The following JADE3 variants were observed in gnomAD, a reference collection of about 807,000 sequenced individuals.
JADE3 encodes the protein jade family PHD finger 3, also known as protein Jade-3.
Under a neutral mutation model 50.1 loss-of-function variants are expected in JADE3, and 2 were observed. The ratio of observed to expected loss-of-function variants is 0.04; its 90% CI spans 0.02 to 0.13. The LOEUF (loss-of-function observed/expected upper bound fraction) is 0.13, where lower values mean the gene tolerates loss of function less well. JADE3 is among the 10% of genes least tolerant of loss of function. The pLI, the probability that JADE3 is intolerant of heterozygous loss-of-function variation, is 1.00. For synonymous variants in JADE3, 218 were observed against 232.9 expected, an observed-to-expected ratio of 0.94 and a Z score of 0.58; for missense variants, 475 against 634.4, an observed-to-expected ratio of 0.75 and a Z score of 2.70.
At chrX:47,026,377 T>C (rs782653509) in intron 5 of JADE3, among the ~76,000 whole-genome samples, 15 of 111,914 alleles carry the variant, frequency 1.3e-4, no homozygotes, top group Admixed American at 9.5e-5. Flanking sequence ...CATATACACC[T>C]CACAGTTTCA....
Position 47,001,635 on chromosome X carries a change from G to A in JADE3, c.284+3358G>A, listed in dbSNP as rs144075160. 4.3e-3 allele frequency among the ~76,000 whole-genome samples: 480 copies of A among 111,597 alleles called. 5 individuals carry two copies. The highest frequency in any genetic ancestry group is 0.015 in the African/African-American group (460 of 30,785). On this transcript the variant is annotated intron_variant, in intron 4 of 10. Coordinates refer to ENST00000614628, the MANE Select transcript of JADE3 (RefSeq NM_014735.5). The stretch of plus-strand genomic sequence containing the variant: ...TTGCATGGGTCAAACTATGTCTTGT[G>A]ATTTTTACTTTCTGAATTTTGTAAG...
intron 5 of JADE3, among the ~76,000 whole-genome samples, chrX:47,026,846 G>A (rs1928919579): frequency 9.0e-6 from 1 of 110,888 alleles, no homozygotes; most frequent in South Asian, 3.7e-4. Context: ...TAAATAACGT[G>A]TCAAAGTTTA....
intron 1 of JADE3, among the ~76,000 whole-genome samples, chrX:46,942,222 C>T (rs1472963566): frequency 9.0e-6 from 1 of 111,543 alleles, no homozygotes; most frequent in Non-Finnish European, 1.9e-5. Flanking sequence ...CTTATTAGGT[C>T]CCACTGGTCA....
chrX:46,930,471 G>A (rs1926465563), intron 1 of JADE3, among the ~76,000 whole-genome samples: 1 of 112,388 alleles, frequency 8.9e-6, no homozygotes. Context: ...AAGCTACTAA[G>A]TTTTGGGGTG....
chrX:47,039,790 A>T (rs782742732), intron 8 of JADE3, among the ~76,000 whole-genome samples: 2 of 111,836 alleles, frequency 1.8e-5, no homozygotes, highest in Admixed American at 1.9e-4. Context: ...TCAAGGGTAC[A>T]TGTCCAGGTT....
intron 1 of JADE3, among the ~76,000 whole-genome samples, chrX:46,921,564 C>T (rs906451340): frequency 2.7e-5 from 3 of 111,814 alleles, no homozygotes; most frequent in African/African-American, 9.8e-5. Context: ...AGAAGGCCAA[C>T]GTGCACGATT....
At chrX:46,941,736 ATTT>A (rs58669972) in intron 1 of JADE3, among the ~76,000 whole-genome samples, 9 of 92,699 alleles carry the variant, frequency 9.7e-5, no homozygotes, top group Admixed American at 1.2e-4. Context: ...CTTTGCCCAC[ATTT>A]TTTTTTTTTT....
rs146422230 is a variant in JADE3 at position 46,958,772 on chromosome X, A to G, written c.-11-26112A>G. ...CAAGCTTTTTATTTGCAATAATTATATCTACCCCCATTGAAAATAAGGGAG... is the reference window on the plus strand; with the variant it reads ...CAAGCTTTTTATTTGCAATAATTATGTCTACCCCCATTGAAAATAAGGGAG... On this transcript the variant is annotated intron_variant, in intron 1 of 10. Transcript: ENST00000614628. 2.2e-4 allele frequency among the ~76,000 whole-genome samples: 25 copies of G among 112,073 alleles called. No individual in the cohort carries two copies. In the East Asian group the frequency reaches 6.4e-3, roughly 29 times the overall value.
chrX:46,930,053 C>G (rs1200113132), intron 1 of JADE3, among the ~76,000 whole-genome samples: 1 of 112,367 alleles, frequency 8.9e-6, no homozygotes, highest in Non-Finnish European at 1.9e-5. Flanking sequence ...ATCCTTGCAA[C>G]AAGAGGTGGA....
intron 1 of JADE3, among the ~76,000 whole-genome samples, chrX:46,946,068 C>T (rs1176098232): frequency 4.5e-5 from 5 of 111,809 alleles, no homozygotes; most frequent in African/African-American, 1.6e-4. Context: ...CGATTACTAA[C>T]CTTGCAAAAG....
rs782534783 is a variant in JADE3 at position 47,056,160 on chromosome X, G to A, written c.1522G>A (p.Gly508Ser). 9.5e-5 allele frequency: 114 copies of A among 1,199,383 alleles called. No individual in the cohort carries two copies. Among genetic ancestry groups the A allele is most frequent in the Non-Finnish European group, 1.2e-4 (109 of 886,210 alleles). The change falls in exon 10 of 11, where the codon GGT (glycine) becomes AGT (serine). Residue 508 changes from glycine to serine, a missense_variant. Physicochemically the swap from Gly to Ser is moderately conservative, Grantham distance 56. Coordinates refer to ENST00000614628, the MANE Select transcript of JADE3 (RefSeq NM_014735.5). ...CAACAAAATACAGGAACAGATCTTCGGTTTGCAAGTCCAGCTTCTTAACCA... is the reference window on the plus strand; with the variant it reads ...CAACAAAATACAGGAACAGATCTTCAGTTTGCAAGTCCAGCTTCTTAACCA... ...SHNKIQEQIF[G>S]LQVQLLNQEI... is the part of the protein sequence containing the mutation.
At chrX:47,012,940 T>C (rs1928591791) in intron 4 of JADE3, among the ~76,000 whole-genome samples, 1 of 111,624 alleles carries the variant, frequency 9.0e-6, no homozygotes, top group Non-Finnish European at 1.9e-5. Context: ...ATGTATTCCT[T>C]ATAAGTCAGG....
intron 1 of JADE3, among the ~76,000 whole-genome samples, chrX:46,916,244 C>A (rs1249699430): frequency 1.8e-5 from 2 of 112,324 alleles, no homozygotes; most frequent in Non-Finnish European, 3.8e-5. Context: ...CAATTAGTAA[C>A]GGTTTGCTCT....
intron 3 of JADE3, among the ~76,000 whole-genome samples, chrX:46,987,551 G>T (rs1374794449): frequency 8.9e-6 from 1 of 112,109 alleles, no homozygotes; most frequent in Non-Finnish European, 1.9e-5. Flanking sequence ...CTTTTCATTT[G>T]TTTCTTTTGC....
chrX:47,017,052 A>T (rs1236895373), intron 4 of JADE3, among the ~76,000 whole-genome samples: 1 of 111,983 alleles, frequency 8.9e-6, no homozygotes, highest in African/African-American at 3.2e-5. Flanking sequence ...GTAACTGAAA[A>T]TGGATGAGGG....
chrX:47,045,854 AAT>A (rs1491012235), intron 8 of JADE3, among the ~76,000 whole-genome samples: 1 of 110,885 alleles, frequency 9.0e-6, no homozygotes, highest in African/African-American at 3.3e-5. Flanking sequence ...AAAAAAAAAA[AAT>A]GGGAACACAA....
chrX:47,003,116 T>G (rs1195839466), intron 4 of JADE3, among the ~76,000 whole-genome samples: 1 of 111,845 alleles, frequency 8.9e-6, no homozygotes, highest in African/African-American at 3.2e-5. Flanking sequence ...GATTGATTTT[T>G]TTTAATATTG....
intron 1 of JADE3, among the ~76,000 whole-genome samples, chrX:46,970,944 GAGAA>G (rs1927469266): frequency 9.1e-6 from 1 of 110,381 alleles, no homozygotes; most frequent in Admixed American, 9.7e-5. Context: ...TTTCTATCTG[GAGAA>G]AGAATTGTGT....
At chrX:47,042,006 T>TA (rs2146984718) in intron 8 of JADE3, among the ~76,000 whole-genome samples, 1 of 110,370 alleles carries the variant, frequency 9.1e-6, no homozygotes, top group African/African-American at 3.3e-5. Flanking sequence ...CTTTTTTTTT[T>TA]AAAGAGAGAC....
Sources: allele counts gnomAD v4.1 joint callset (sites outside exome capture counted in the v4.1 genomes callset), GRCh38; gene constraint gnomAD v4.1.1; transcripts MANE v1.5; gene names NCBI Gene and HGNC (gene_info 2026-07-23, HGNC 2026-07-21).